The following PRRC2B variants were observed in gnomAD, a reference collection of about 807,000 sequenced individuals.
PRRC2B encodes proline rich coiled-coil 2B.
Under a neutral mutation model 242.3 loss-of-function variants are expected in PRRC2B, and 68 were observed. The ratio of observed to expected loss-of-function variants is 0.28; its 90% CI spans 0.23 to 0.34. The LOEUF (loss-of-function observed/expected upper bound fraction) is 0.34, where lower values mean the gene tolerates loss of function less well. PRRC2B is among the 10% of genes least tolerant of loss of function. PRRC2B has a pLI of 1.00. For synonymous variants in PRRC2B, 1,228 were observed against 1,173.6 expected (o/e 1.05, Z -0.95); for missense variants, 2,835 against 2,954.8 (o/e 0.96, Z 0.94).
intron 9 of PRRC2B, among the ~76,000 whole-genome samples, chr9:131,453,485 A>AC: frequency 6.6e-6 from 1 of 151,906 alleles, no homozygotes; most frequent in East Asian, 1.9e-4. Flanking sequence ...CAGTCCTCCC[A>AC]CCTTAGTCTC....
chr9:131,448,063 A>C, intron 9 of PRRC2B: 1 of 341,878 alleles, frequency 2.9e-6, no homozygotes. Context: ...AAAATTATTG[A>C]TGATGCAAAA....
At chr9:131,490,098 C>T (rs1944144874) in intron 28 of PRRC2B, among the ~76,000 whole-genome samples, 1 of 152,102 alleles carries the variant, frequency 6.6e-6, no homozygotes, top group Non-Finnish European at 1.5e-5. Context: ...AATCTCAAAT[C>T]CAATGGACTT....
At chr9:131,375,076 C>T (rs920074081) in intron 1 of PRRC2B, among the ~76,000 whole-genome samples, 2 of 152,138 alleles carry the variant, frequency 1.3e-5, no homozygotes, top group Non-Finnish European at 2.9e-5. Context: ...CTTCAAGTCA[C>T]ATAACTTCTC....
chr9:131,468,226 G>A (rs76117346), intron 13 of PRRC2B, among the ~76,000 whole-genome samples: 2,453 of 152,296 alleles, frequency 0.016, 74 homozygotes, highest in African/African-American at 0.056. Context: ...TTGGGTTACA[G>A]ATGTAGGTTT....
intron 28 of PRRC2B, chr9:131,490,349 AC>A: frequency 2.1e-6 from 1 of 477,916 alleles, no homozygotes; most frequent in South Asian, 1.6e-5. Flanking sequence ...AGGGACTCCT[AC>A]CTGGCCTCCC....
intron 10 of PRRC2B, among the ~76,000 whole-genome samples, chr9:131,457,738 A>T (rs1330632632): frequency 1.3e-5 from 2 of 151,908 alleles, no homozygotes; most frequent in Non-Finnish European, 2.9e-5. Context: ...CACCCTGCCC[A>T]TAGTCATCTT....
Position 131,487,715 on chromosome 9 carries a change from C to A in PRRC2B, c.5985-141C>A. ...CTAGGAGCTTGTTCTCAGGCCCCATCCTGGACCCTCTGAGTCGCGCTCTGG... is the reference window on the plus strand; with the variant it reads ...CTAGGAGCTTGTTCTCAGGCCCCATACTGGACCCTCTGAGTCGCGCTCTGG... On this transcript the variant is annotated intron_variant, in intron 27 of 31. Coordinates refer to ENST00000683519, the MANE Select transcript of PRRC2B (RefSeq NM_013318.4). This position sits in a 1 kb window ranked among gnomAD's most constrained non-coding sequence, Gnocchi z 5.3. 8.8e-7 allele frequency: 1 copy of A among 1,131,286 alleles called. No individual in the cohort carries two copies. The highest frequency in any genetic ancestry group is 1.2e-6 in the Non-Finnish European group (1 of 813,768). 70.1% of individuals were successfully genotyped at this position (1,131,286 alleles called of 1,614,324 possible). A position where few individuals can be genotyped will look rare whatever the true frequency, so the allele number is the denominator to read the frequency against.
chr9:131,490,887 C>T (rs12002876), intron 28 of PRRC2B: 14,125 of 318,430 alleles, frequency 0.044, 398 homozygotes, highest in Middle Eastern at 0.061. Flanking sequence ...CTCGTCCTCT[C>T]CTTGCCCACC....
At chr9:131,458,843 C>T (rs950881153) in intron 10 of PRRC2B, among the ~76,000 whole-genome samples, 5 of 152,148 alleles carry the variant, frequency 3.3e-5, no homozygotes, top group African/African-American at 4.8e-5. Flanking sequence ...ATTTGTGTTG[C>T]GCTGCATCCA....
rs181736686 is a variant in PRRC2B, at chr9:131,478,457, G to T, written c.4613-17G>T. On this transcript the variant is annotated splice_polypyrimidine_tract_variant and intron_variant, in intron 17 of 31. Transcript: ENST00000683519. ...GTGAGTGGAAAGACTGTTCCTTCTC[G>T]TGAAATCTTGGTTCAGGTGCCATCA... 9.3e-6 allele frequency: 15 copies of T among 1,611,768 alleles called. No homozygotes were observed. Among genetic ancestry groups the T allele is most frequent in the East Asian group, 2.2e-5 (1 of 44,762 alleles).
intron 1 of PRRC2B, among the ~76,000 whole-genome samples, chr9:131,422,628 G>A (rs1198074532): frequency 2.0e-5 from 3 of 152,202 alleles, no homozygotes; most frequent in Non-Finnish European, 4.4e-5. Flanking sequence ...CCTGTTACCC[G>A]GAAATGGCTT....
In PRRC2B at chr9:131,482,607, G is replaced by T. The variant is rs1393244410; in HGVS notation, c.5175+45G>T. ...CACAGTGGCCAGGGCCTGGGTGGAAGGGGCCATCGTCTCATCATCTTCCTC... is the reference window on the plus strand; with the variant it reads ...CACAGTGGCCAGGGCCTGGGTGGAATGGGCCATCGTCTCATCATCTTCCTC... On this transcript the variant is annotated intron_variant, in intron 21 of 31. Coordinates refer to ENST00000683519, the MANE Select transcript of PRRC2B (RefSeq NM_013318.4). The surrounding 1 kb of genome is among the most constrained non-coding windows in gnomAD (Gnocchi z 5.2). 6.5e-7 allele frequency: 1 copy of T among 1,548,082 alleles called. No individual in the cohort carries two copies. The highest frequency in any genetic ancestry group is 1.4e-5 in the African/African-American group (1 of 72,832).
chr9:131,475,418 C>A lies in PRRC2B; in HGVS notation c.3289C>A (p.Arg1097Ser). ...GLCGGGVLGA[R>S]SIYCSSQRSG... Reference sequence around the variant, plus strand: ...CTGTGGTGGGGGGGTCCTGGGGGCCCGCAGCATCTACTGCAGCAGTCAGCG... The same window carrying A: ...CTGTGGTGGGGGGGTCCTGGGGGCCAGCAGCATCTACTGCAGCAGTCAGCG... The change falls in exon 16 of 32, where the codon CGC becomes AGC. Residue 1097 changes from arginine to serine, a missense_variant. Coordinates refer to ENST00000683519, the MANE Select transcript of PRRC2B (RefSeq NM_013318.4). 6.3e-7 allele frequency: 1 copy of A among 1,576,808 alleles called. No homozygotes were observed. Among genetic ancestry groups the A allele is most frequent in the Non-Finnish European group, 8.6e-7 (1 of 1,162,736 alleles).
At chr9:131,394,698 G>T (rs1197394009) in intron 1 of PRRC2B, among the ~76,000 whole-genome samples, 1 of 151,634 alleles carries the variant, frequency 6.6e-6, no homozygotes, top group Non-Finnish European at 1.5e-5. Flanking sequence ...CCCAATTGAC[G>T]GAGCAGCGCG....
intron 15 of PRRC2B, 99 bp downstream of exon 15, chr9:131,473,823 C>G (rs1943610910): frequency 1.2e-6 from 1 of 863,124 alleles, no homozygotes; most frequent in African/African-American, 1.7e-5. Context: ...GGAGACACTG[C>G]CCACGGGAGA....
chr9:131,470,935 C>T lies in PRRC2B; in HGVS notation c.2059C>T (p.Pro687Ser), dbSNP rs777138764. 9 of 1,612,348 alleles carry T rather than the reference C, an allele frequency of 5.6e-6. No individual in the cohort carries two copies. The highest frequency in any genetic ancestry group is 3.3e-5 in the South Asian group (3 of 91,006). Residue 687 changes from proline (P) to serine (S), a missense_variant, in exon 14 of 32, where the codon CCC (proline) becomes TCC (serine). Transcript: ENST00000683519. The stretch of plus-strand genomic sequence containing the variant: ...TTCCTACATGGACCCACGTATCACG[C>T]CCACTCGGACCCCGGTGGACTTCTA... ...MPSYMDPRIT[P>S]TRTPVDFYPS...
chr9:131,386,110 C>G (rs1564270258), intron 1 of PRRC2B, among the ~76,000 whole-genome samples: 1 of 148,022 alleles, frequency 6.8e-6, no homozygotes. Context: ...TGAAGGATCT[C>G]TGTTTGTTTG....
intron 28 of PRRC2B, 125 bp downstream of exon 28, chr9:131,488,221 C>G: frequency 7.6e-7 from 1 of 1,324,148 alleles, no homozygotes; most frequent in South Asian, 1.5e-5. Flanking sequence ...CCACCGTGCC[C>G]ATTCCTCAGC....
At chr9:131,391,670 T>C (rs1030824407), upstream of PRRC2B, among the ~76,000 whole-genome samples, 19 of 152,334 alleles carry the variant, frequency 1.2e-4, no homozygotes, top group East Asian at 3.7e-3. Context: ...AGTGACTCTA[T>C]AGGGAGTGTT....
Sources: allele counts gnomAD v4.1 joint callset (sites outside exome capture counted in the v4.1 genomes callset), GRCh38; gene constraint gnomAD v4.1.1; non-coding constraint Gnocchi (gnomAD v3.1); transcripts MANE v1.5; gene names NCBI Gene and HGNC (gene_info 2026-07-23, HGNC 2026-07-21).